SEPTIN9: variants seen among roughly 807,000 people sequenced by gnomAD.
SEPTIN9 encodes the protein septin 9.
In SEPTIN9, 13 loss-of-function variants were observed where a neutral mutation model predicts 56.6. The observed-to-expected ratio is 0.23, with a 90% CI of 0.15 to 0.37. The LOEUF is 0.37. SEPTIN9 is among the 10% of genes least tolerant of loss of function. The probability of loss-of-function intolerance (pLI) is 1.00; values close to 1 mark genes in which losing one functional copy is unlikely to be tolerated. For synonymous variants in SEPTIN9, 332 were observed against 334.1 expected (o/e 0.99, Z 0.07); for missense variants, 650 against 823.1 (o/e 0.79, Z 2.57).
intron 3 of SEPTIN9, among the ~76,000 whole-genome samples, chr17:77,460,439 C>T (rs1348433414): frequency 6.6e-6 from 1 of 152,164 alleles, no homozygotes; most frequent in Admixed American, 6.5e-5. Context: ...TATCATTAAA[C>T]TTGAGCAGTC....
At chr17:77,308,032 C>T (rs1360980021) in intron 2 of SEPTIN9, among the ~76,000 whole-genome samples, 1 of 152,210 alleles carries the variant, frequency 6.6e-6, no homozygotes, top group Non-Finnish European at 1.5e-5. Context: ...AGCGGCCAGG[C>T]TGGGACAGGT....
chr17:77,458,324 A>G (rs1257230686), intron 3 of SEPTIN9, among the ~76,000 whole-genome samples: 3 of 152,266 alleles, frequency 2.0e-5, no homozygotes, highest in South Asian at 2.1e-4. Context: ...CACAGCCAGG[A>G]CTGTGATTTG....
At position 77,371,541 on chromosome 17, in the gene SEPTIN9, G is replaced by C. The variant is rs531034105; in HGVS notation, c.77-30518G>C. Among the ~76,000 whole-genome samples, 1 of 152,338 alleles carries C rather than the reference G, an allele frequency of 6.6e-6. No homozygotes were observed. The highest frequency in any genetic ancestry group is 2.1e-4 in the South Asian group (1 of 4,826). On this transcript the variant is annotated intron_variant, in intron 2 of 11. Coordinates refer to ENST00000427177, the MANE Select transcript of SEPTIN9 (RefSeq NM_001113491.2). This position sits in a 1 kb window ranked among gnomAD's most constrained non-coding sequence, Gnocchi z 4.1. ...TGTGCCGGACCCGGCATCTTCCCAG[G>C]GGGGCTGTGTTGTTGGGCTGAGTTT...
In SEPTIN9 at chr17:77,364,435, C is replaced by A. The variant is rs369022295; in HGVS notation, c.77-37624C>A. Among the ~76,000 whole-genome samples, 6 of 152,390 alleles carry A rather than the reference C, an allele frequency of 3.9e-5. 1 individual carries two copies. The highest frequency in any genetic ancestry group is 1.2e-4 in the African/African-American group (5 of 41,598). On this transcript the variant is annotated intron_variant, in intron 2 of 11. Transcript: ENST00000427177. Reference sequence around the variant, plus strand: ...TGGAACGGAGTGGAAGCGTCCCACTCCTGGGGAACCCCCACACACATTTGG... The same window carrying A: ...TGGAACGGAGTGGAAGCGTCCCACTACTGGGGAACCCCCACACACATTTGG...
At chr17:77,387,179 C>T (rs528945538) in intron 2 of SEPTIN9, among the ~76,000 whole-genome samples, 2 of 152,330 alleles carry the variant, frequency 1.3e-5, no homozygotes, top group South Asian at 2.1e-4. Context: ...ATCAAGGTGT[C>T]GACCAGGCTG....
At chr17:77,415,632 A>G (rs1002797351) in intron 3 of SEPTIN9, among the ~76,000 whole-genome samples, 1 of 125,340 alleles carries the variant, frequency 8.0e-6, no homozygotes, top group Non-Finnish European at 1.8e-5. Context: ...TGTCTCAAAA[A>G]AAAAAAAAAA....
intron 8 of SEPTIN9, 63 bp downstream of exon 8, chr17:77,490,922 C>A: frequency 7.9e-7 from 1 of 1,259,780 alleles, no homozygotes; most frequent in Non-Finnish European, 1.1e-6. Flanking sequence ...GCAGGCCTGG[C>A]AGGGGCCACC....
intron 3 of SEPTIN9, among the ~76,000 whole-genome samples, chr17:77,428,663 G>A (rs540853431): frequency 4.7e-4 from 72 of 152,300 alleles, no homozygotes; most frequent in African/African-American, 1.6e-3. Flanking sequence ...GGGTCACACA[G>A]CGACAGCTCA....
Position 77,394,399 on chromosome 17 carries a change from C to T in SEPTIN9, c.77-7660C>T, listed in dbSNP as rs148381019. Among the ~76,000 whole-genome samples, 3 of 152,302 alleles carry T rather than the reference C, an allele frequency of 2.0e-5. No individual in the cohort carries two copies. The East Asian group carries it at 5.8e-4, about 29-fold the overall frequency. On this transcript the variant is annotated intron_variant, in intron 2 of 11. Coordinates refer to ENST00000427177, the MANE Select transcript of SEPTIN9 (RefSeq NM_001113491.2). Reference sequence around the variant, plus strand: ...GAGGTGCTTCCCTACTCCTTGGCACCATCTGTCCGGCTTCCCTGAGCCCTG... The same window carrying T: ...GAGGTGCTTCCCTACTCCTTGGCACTATCTGTCCGGCTTCCCTGAGCCCTG...
chr17:77,362,862 A>C (rs1160239396), intron 2 of SEPTIN9, among the ~76,000 whole-genome samples: 5 of 152,212 alleles, frequency 3.3e-5, no homozygotes, highest in East Asian at 1.9e-4. Flanking sequence ...TTCCTAGAAG[A>C]AGCAGCCTCT....
At chr17:77,457,251 C>T (rs1331653519) in intron 3 of SEPTIN9, among the ~76,000 whole-genome samples, 1 of 152,154 alleles carries the variant, frequency 6.6e-6, no homozygotes, top group Admixed American at 6.5e-5. Flanking sequence ...CCGAGAGTCC[C>T]ATGCCCAGAC....
chr17:77,325,145 T>A (rs1192420055), intron 2 of SEPTIN9, among the ~76,000 whole-genome samples: 2 of 152,234 alleles, frequency 1.3e-5, no homozygotes, highest in African/African-American at 4.8e-5. Context: ...TAAACTTCTA[T>A]GACGTTCCAC....
At chr17:77,308,376 G>A (rs920695814) in intron 2 of SEPTIN9, among the ~76,000 whole-genome samples, 13 of 152,194 alleles carry the variant, frequency 8.5e-5, no homozygotes, top group African/African-American at 3.1e-4. Context: ...AGGCGCCTAC[G>A]GGGGCAAGGG....
chr17:77,486,655 TGTG>T (rs1238375519), intron 4 of SEPTIN9, among the ~76,000 whole-genome samples: 3 of 151,908 alleles, frequency 2.0e-5, no homozygotes, highest in Admixed American at 6.6e-5. Context: ...GTGTGTGTGT[TGTG>T]AGGTGTGTGT....
At chr17:77,360,863 G>A (rs1218075991) in intron 2 of SEPTIN9, among the ~76,000 whole-genome samples, 1 of 150,802 alleles carries the variant, frequency 6.6e-6, no homozygotes, top group Non-Finnish European at 1.5e-5. Flanking sequence ...GCCTAGGGTA[G>A]GTTGTTAGAA....
At chr17:77,346,276 G>GTTT (rs1193820527) in intron 2 of SEPTIN9, among the ~76,000 whole-genome samples, 1 of 50,304 alleles carries the variant, frequency 2.0e-5, no homozygotes, top group African/African-American at 5.7e-5. Flanking sequence ...AGATCCTTAG[G>GTTT]TCTTTTTTTT....
At chr17:77,287,416 G>T (rs959037428) in intron 1 of SEPTIN9, among the ~76,000 whole-genome samples, 2 of 152,218 alleles carry the variant, frequency 1.3e-5, no homozygotes, top group African/African-American at 4.8e-5. Flanking sequence ...GCTGTGAGCT[G>T]CCCGTCTCCC....
At chr17:77,316,254 G>A (rs766335744) in intron 2 of SEPTIN9, among the ~76,000 whole-genome samples, 5 of 152,084 alleles carry the variant, frequency 3.3e-5, no homozygotes, top group Non-Finnish European at 7.4e-5. Context: ...GTTGGCCCTC[G>A]CCTCCCCCAC....
chr17:77,438,197 TC>T (rs1300312235), intron 3 of SEPTIN9, among the ~76,000 whole-genome samples: 1 of 152,188 alleles, frequency 6.6e-6, no homozygotes, highest in Non-Finnish European at 1.5e-5. Context: ...ACGGAGCTGC[TC>T]CAGGCACTGC....
Sources: gnomAD v4.1 joint callset for allele counts (sites outside exome capture counted in the v4.1 genomes callset) on GRCh38, gnomAD v4.1.1 for gene constraint, Gnocchi (gnomAD v3.1) non-coding constraint, MANE v1.5 for transcripts, NCBI Gene and HGNC (gene_info 2026-07-23, HGNC 2026-07-21) for gene names.